PKHD1L1: variants seen among roughly 807,000 people sequenced by gnomAD.
PKHD1L1 encodes PKHD1 like 1, also known as fibrocystin-L.
In PKHD1L1, 434 loss-of-function variants were observed where a neutral mutation model predicts 462.9. The ratio of observed to expected loss-of-function variants is 0.94; its 90% CI spans 0.87 to 1.02. The LOEUF is 1.02. Ranked by LOEUF, PKHD1L1 falls within the 50% of genes least tolerant of loss-of-function variation. The probability of loss-of-function intolerance (pLI) is 0.00; values close to 1 mark genes in which losing one functional copy is unlikely to be tolerated. For missense variants in PKHD1L1, 5,202 were observed against 5,096.1 expected (o/e 1.02, Z -0.63); for synonymous variants, 1,781 against 1,750.0 (o/e 1.02, Z -0.44).
chr8:109,470,982 T>A, intron 50 of PKHD1L1: 1 of 1,610,658 alleles, frequency 6.2e-7, no homozygotes. Flanking sequence ...CTCGAGTCCA[T>A]AGGCATCCCG....
At chr8:109,404,419 A>C (rs1813421985) in intron 14 of PKHD1L1, 135 bp from the exon 15 acceptor site, 8 of 495,126 alleles carry the variant, frequency 1.6e-5, no homozygotes, top group Non-Finnish European at 2.6e-5. Flanking sequence ...TTGAATATTT[A>C]AAATATGAGA....
intron 2 of PKHD1L1, among the ~76,000 whole-genome samples, chr8:109,379,363 T>A (rs143613219): frequency 2.0e-5 from 3 of 152,318 alleles, no homozygotes; most frequent in Admixed American, 6.5e-5. Flanking sequence ...TAGAATTCCA[T>A]AAAATATTGC....
intron 5 of PKHD1L1, among the ~76,000 whole-genome samples, chr8:109,384,860 T>C (rs983105837): frequency 3.9e-5 from 6 of 152,090 alleles, no homozygotes; most frequent in African/African-American, 9.6e-5. Flanking sequence ...ACATTACCTG[T>C]TTATCTCTTT....
intron 69 of PKHD1L1, 86 bp from the exon 70 acceptor site, chr8:109,508,011 T>A: frequency 6.7e-7 from 1 of 1,489,338 alleles, no homozygotes. Flanking sequence ...CTTCTTAAAC[T>A]AGCATAACAA....
chr8:109,367,278 T>C (rs562639707), intron 2 of PKHD1L1, among the ~76,000 whole-genome samples: 1 of 152,246 alleles, frequency 6.6e-6, no homozygotes, highest in Non-Finnish European at 1.5e-5. Flanking sequence ...TGATAGATTC[T>C]CTGTTTTTAG....
At chr8:109,527,470 C>G (rs1407919840) in intron 77 of PKHD1L1, among the ~76,000 whole-genome samples, 2 of 152,124 alleles carry the variant, frequency 1.3e-5, no homozygotes, top group Non-Finnish European at 2.9e-5. Flanking sequence ...CACCACTGCA[C>G]TCCAGCCTGC....
At chr8:109,406,279 T>C (rs909321584) in intron 16 of PKHD1L1, 56 bp from the exon 17 acceptor site, 1 of 1,496,342 alleles carries the variant, frequency 6.7e-7, no homozygotes, top group African/African-American at 1.4e-5. Context: ...CTGCAGTAGC[T>C]CAGAAAGATT....
intron 23 of PKHD1L1, 21 bp downstream of exon 23, chr8:109,420,711 T>A (rs191258005): frequency 1.7e-4 from 248 of 1,486,744 alleles, no homozygotes; most frequent in Middle Eastern, 1.6e-3. Flanking sequence ...AATTTTGCAT[T>A]AATTTTTATG....
chr8:109,489,669 T>A (rs1352858528), intron 59 of PKHD1L1, among the ~76,000 whole-genome samples: 1 of 151,936 alleles, frequency 6.6e-6, no homozygotes, highest in African/African-American at 2.4e-5. Context: ...ATTACAATGG[T>A]TTGTGGTCCT....
intron 38 of PKHD1L1, among the ~76,000 whole-genome samples, chr8:109,446,375 G>A (rs1475541764): frequency 2.0e-5 from 3 of 151,986 alleles, no homozygotes; most frequent in Non-Finnish European, 4.4e-5. Context: ...ATGAAATTTT[G>A]GACAAGTTTT....
intron 76 of PKHD1L1, among the ~76,000 whole-genome samples, chr8:109,525,665 A>C (rs966139136): frequency 6.6e-6 from 1 of 152,210 alleles, no homozygotes; most frequent in Non-Finnish European, 1.5e-5. Flanking sequence ...GTACTTCAGG[A>C]GGAGAAAAAC....
At chr8:109,491,735 C>A in intron 61 of PKHD1L1, 138 bp from the exon 62 acceptor site, 2 of 801,550 alleles carry the variant, frequency 2.5e-6, no homozygotes, top group Non-Finnish European at 3.7e-6. Context: ...TCCTTCGAAA[C>A]TCTAAGAGGA....
chr8:109,451,098 G>C lies in PKHD1L1; in HGVS notation c.6299G>C (p.Arg2100Thr). ...TPLITAVSPK[R>T]GSTAGGTRLT... Reference sequence around the variant, plus strand: ...CTCATCACTGCAGTATCTCCTAAGAGAGGCAGTACAGCAGGGGGCACCAGA... The same window carrying C: ...CTCATCACTGCAGTATCTCCTAAGACAGGCAGTACAGCAGGGGGCACCAGA... The change falls in exon 41 of 78, where the codon AGA (arginine) becomes ACA (threonine). Residue 2100 changes from arginine (R) to threonine (T), a missense_variant. Coordinates refer to ENST00000378402, the MANE Select transcript of PKHD1L1 (RefSeq NM_177531.6). The C allele has an allele frequency of 6.2e-7, 1 of 1,613,592 alleles. No individual in the cohort carries two copies. Among genetic ancestry groups the C allele is most frequent in the Non-Finnish European group, 8.5e-7 (1 of 1,179,632 alleles).
At chr8:109,490,915 T>A (rs1327768146) in intron 60 of PKHD1L1, 57 bp from the exon 61 acceptor site, 9 of 1,410,262 alleles carry the variant, frequency 6.4e-6, no homozygotes, top group African/African-American at 5.8e-5. Flanking sequence ...CTTCAATTTT[T>A]AAAAATATAT....
chr8:109,374,506 G>A (rs907560884), intron 2 of PKHD1L1, among the ~76,000 whole-genome samples: 2 of 152,084 alleles, frequency 1.3e-5, no homozygotes, highest in African/African-American at 4.8e-5. Flanking sequence ...TTACATTTAA[G>A]GTTTATATTG....
At chr8:109,390,679 T>C (rs1048543270) in intron 9 of PKHD1L1, among the ~76,000 whole-genome samples, 185 bp downstream of exon 9, 2 of 152,304 alleles carry the variant, frequency 1.3e-5, no homozygotes, top group South Asian at 4.1e-4. Context: ...ATAACCTTTC[T>C]GTTGTAGGGA....
chr8:109,498,874 AT>A, intron 67 of PKHD1L1, 103 bp downstream of exon 67: 1 of 1,047,936 alleles, frequency 9.5e-7, no homozygotes, highest in Non-Finnish European at 1.4e-6. Flanking sequence ...ATTTAAGTGA[AT>A]TTTTATAGCA....
At chr8:109,441,453 A>G (rs1372784770) in intron 34 of PKHD1L1, 74 bp downstream of exon 34, 2 of 908,024 alleles carry the variant, frequency 2.2e-6, no homozygotes, top group African/African-American at 3.5e-5. Flanking sequence ...TATTTATTTT[A>G]TATTTCAAAT....
intron 14 of PKHD1L1, among the ~76,000 whole-genome samples, chr8:109,402,580 C>T (rs896595489): frequency 6.6e-6 from 1 of 152,098 alleles, no homozygotes; most frequent in African/African-American, 2.4e-5. Flanking sequence ...AGAGGGGAGT[C>T]CTAATGCACA....
Sources: allele counts gnomAD v4.1 joint callset (sites outside exome capture counted in the v4.1 genomes callset), GRCh38; gene constraint gnomAD v4.1.1; transcripts MANE v1.5; gene names NCBI Gene and HGNC (gene_info 2026-07-23, HGNC 2026-07-21).